Variants in RBM6 observed in about 807,000 individuals in gnomAD.
The protein encoded by RBM6 is RNA binding motif protein 6.
Under a neutral mutation model 140.4 loss-of-function variants are expected in RBM6, and 23 were observed. The ratio of observed to expected loss-of-function variants is 0.16; its 90% confidence interval spans 0.12 to 0.23. RBM6 has a LOEUF of 0.23. Among genes scored for constraint, RBM6 ranks in the 10% least tolerant of loss-of-function variants. The probability of loss-of-function intolerance (pLI) is 1.00; values close to 1 mark genes in which losing one functional copy is unlikely to be tolerated. For synonymous variants in RBM6, 439 were observed against 475.6 expected (o/e 0.92, Z 1.00); for missense variants, 1,139 against 1,386.7 (o/e 0.82, Z 2.84).
At chr3:49,990,442 T>A (rs1440266176) in intron 5 of RBM6, among the ~76,000 whole-genome samples, 1 of 152,256 alleles carries the variant, frequency 6.6e-6, no homozygotes, top group Non-Finnish European at 1.5e-5. Context: ...AGTGCCATTA[T>A]AATCTTATGG....
chr3:49,988,903 C>T (rs576738502), intron 5 of RBM6, among the ~76,000 whole-genome samples: 1 of 152,036 alleles, frequency 6.6e-6, no homozygotes, highest in Non-Finnish European at 1.5e-5. Context: ...GCCAAGATTG[C>T]ACCACTGCAC....
intron 6 of RBM6, among the ~76,000 whole-genome samples, chr3:50,033,112 C>A (rs2088280259): frequency 6.6e-6 from 1 of 152,030 alleles, no homozygotes; most frequent in Non-Finnish European, 1.5e-5. Context: ...GCCTGGCCAA[C>A]ATGGAGAAAC....
chr3:49,959,363 T>A lies in RBM6; in HGVS notation c.-66-3213T>A, dbSNP rs544137084. On this transcript the variant is annotated intron_variant, in intron 1 of 20. Coordinates refer to ENST00000266022, the MANE Select transcript of RBM6 (RefSeq NM_005777.3). ...GCCACCACGCCTGGCTAATTTTTTT[T>A]TTTTTTTTTGTATTTTTAGTAGAGA... Among the ~76,000 whole-genome samples, 48 of 144,384 alleles carry A rather than the reference T, an allele frequency of 3.3e-4. 1 individual carries two copies. Among genetic ancestry groups the A allele is most frequent in the African/African-American group, 1.0e-3 (41 of 39,296 alleles). The allele number at this position is 144,384 out of a possible 152,430, so 94.7% of individuals were successfully genotyped here. A position where few individuals can be genotyped will look rare whatever the true frequency, so the allele number is the denominator to read the frequency against.
At position 50,065,631 on chromosome 3, in the gene RBM6, A is replaced by G. The variant is rs1231572100; in HGVS notation, c.2682+505A>G. The G allele has an allele frequency of 8.8e-6, 4 of 456,954 alleles. No homozygotes were observed. In the East Asian group the frequency reaches 2.8e-4, roughly 32 times the overall value. 28.3% of individuals were successfully genotyped at this position (456,954 alleles called of 1,614,324 possible). A position where few individuals can be genotyped will look rare whatever the true frequency, so the allele number is the denominator to read the frequency against. On this transcript the variant is annotated intron_variant, in intron 16 of 20. Transcript: ENST00000266022. ...ATCACCAGTGATTCTGATTGAATGCAGGTATATAACAATAGTGACCATGCA... is the reference window on the plus strand; with the variant it reads ...ATCACCAGTGATTCTGATTGAATGCGGGTATATAACAATAGTGACCATGCA...
At chr3:49,991,258 G>A (rs761858700) in intron 5 of RBM6, among the ~76,000 whole-genome samples, 18 of 152,166 alleles carry the variant, frequency 1.2e-4, no homozygotes, top group Non-Finnish European at 1.5e-4. Context: ...ATATGCCACC[G>A]TCCCAGCATG....
rs1162427946 is a variant in RBM6 at position 49,948,715 on chromosome 3, A to T, written c.-67+8490A>T. Among the ~76,000 whole-genome samples, 48 of 149,568 alleles carry T rather than the reference A, an allele frequency of 3.2e-4. 2 individuals are homozygous for T. In the East Asian group the frequency reaches 4.7e-3, roughly 15 times the overall value. On this transcript the variant is annotated intron_variant, in intron 1 of 20. Coordinates refer to ENST00000266022, the MANE Select transcript of RBM6 (RefSeq NM_005777.3). ...AGCAGAGTGAGACTCTGTCTCAAAA[A>T]AGAAAAAAAAAAAAAAGAATTGCTT...
At chr3:49,994,739 G>T (rs1174729692) in intron 5 of RBM6, among the ~76,000 whole-genome samples, 1 of 150,652 alleles carries the variant, frequency 6.6e-6, no homozygotes, top group East Asian at 1.9e-4. Flanking sequence ...TTCTGACAAA[G>T]GCTTCTTAAA....
At chr3:50,018,771 A>G (rs2087321280) in intron 6 of RBM6, among the ~76,000 whole-genome samples, 1 of 151,228 alleles carries the variant, frequency 6.6e-6, no homozygotes, top group Admixed American at 6.6e-5. Flanking sequence ...TTGTATTTTT[A>G]GTAGAGACAG....
chr3:49,987,592 C>T (rs1237201168), intron 5 of RBM6, among the ~76,000 whole-genome samples: 2 of 151,866 alleles, frequency 1.3e-5, no homozygotes, highest in Non-Finnish European at 2.9e-5. Context: ...CCTGGGATTA[C>T]GGACATAAGA....
chr3:50,017,310 C>CATT (rs2087216036), intron 6 of RBM6, among the ~76,000 whole-genome samples: 1 of 152,102 alleles, frequency 6.6e-6, no homozygotes, highest in Non-Finnish European at 1.5e-5. Context: ...GTAATCCCAA[C>CATT]ACTTTGGGAG....
At chr3:50,040,668 T>TC (rs1212194034) in intron 6 of RBM6, among the ~76,000 whole-genome samples, 6 of 150,986 alleles carry the variant, frequency 4.0e-5, no homozygotes. Flanking sequence ...TTCTTTTTTT[T>TC]TTTTTTGAGA....
At chr3:50,006,707 C>T (rs2086595720) in intron 6 of RBM6, among the ~76,000 whole-genome samples, 2 of 151,124 alleles carry the variant, frequency 1.3e-5, no homozygotes, top group Non-Finnish European at 1.5e-5. Flanking sequence ...CCAAGACGGG[C>T]GGATCACGAG....
intron 5 of RBM6, 61 bp from the exon 6 acceptor site, chr3:49,999,378 GT>G: frequency 7.2e-7 from 1 of 1,389,632 alleles, no homozygotes; most frequent in Non-Finnish European, 1.0e-6. Context: ...GGATTTAAGT[GT>G]GTCTTTTGTG....
chr3:50,075,831 A>C (rs1418335995), intron 20 of RBM6, among the ~76,000 whole-genome samples: 1 of 152,166 alleles, frequency 6.6e-6, no homozygotes, highest in Non-Finnish European at 1.5e-5. Flanking sequence ...TCCTCTGAAA[A>C]TGCCAACCAT....
chr3:49,978,003 A>T (rs1223601493), intron 5 of RBM6, among the ~76,000 whole-genome samples: 2 of 152,148 alleles, frequency 1.3e-5, no homozygotes, highest in Non-Finnish European at 2.9e-5. Flanking sequence ...AGTGACTTAA[A>T]AATTTTTTTT....
At chr3:50,012,991 C>T (rs902442906) in intron 6 of RBM6, among the ~76,000 whole-genome samples, 1 of 146,866 alleles carries the variant, frequency 6.8e-6, no homozygotes, top group Admixed American at 6.8e-5. Context: ...GATCTGACCA[C>T]CTGGGCCTCC....
At chr3:50,072,102 A>G (rs553832818) in intron 19 of RBM6, among the ~76,000 whole-genome samples, 49 of 147,220 alleles carry the variant, frequency 3.3e-4, no homozygotes, top group African/African-American at 7.0e-4. Context: ...AAAAAAAAAA[A>G]AAAGAAAAGG....
intron 1 of RBM6, among the ~76,000 whole-genome samples, chr3:49,952,595 G>T (rs1004961388): frequency 6.6e-6 from 1 of 151,050 alleles, no homozygotes; most frequent in Non-Finnish European, 1.5e-5. Context: ...TGTCTCCCGG[G>T]TTCAAGTGAT....
chr3:49,943,514 G>C (rs1263145480), intron 1 of RBM6, among the ~76,000 whole-genome samples: 1 of 152,070 alleles, frequency 6.6e-6, no homozygotes, highest in East Asian at 1.9e-4. Flanking sequence ...TTGCCTTGTT[G>C]TCTAGGGTGG....
Sources: allele counts gnomAD v4.1 joint callset (sites outside exome capture counted in the v4.1 genomes callset), GRCh38; gene constraint gnomAD v4.1.1; transcripts MANE v1.5; gene names NCBI Gene and HGNC (gene_info 2026-07-23, HGNC 2026-07-21).